The following TTC6 variants were observed in gnomAD, a reference collection of about 807,000 sequenced individuals.
The protein encoded by TTC6 is tetratricopeptide repeat domain 6, also known as tetratricopeptide repeat protein 6.
In TTC6, 172 loss-of-function variants were observed where a neutral mutation model predicts 210.4. The ratio of observed to expected loss-of-function variants is 0.82; its 90% CI spans 0.72 to 0.93. The LOEUF is 0.93. Ranked by LOEUF, TTC6 falls within the 40% of genes least tolerant of loss-of-function variation. The pLI, the probability that TTC6 is intolerant of heterozygous loss-of-function variation, is 0.00. For missense variants in TTC6, 2,414 were observed against 2,318.1 expected, an observed-to-expected ratio of 1.04 and a Z score of -0.85; for synonymous variants, 804 against 819.6, an observed-to-expected ratio of 0.98 and a Z score of 0.32.
chr14:37,775,112 C>A (rs2096033076), intron 14 of TTC6, among the ~76,000 whole-genome samples: 1 of 152,034 alleles, frequency 6.6e-6, no homozygotes, highest in South Asian at 2.1e-4. Flanking sequence ...CTGTTTGGAT[C>A]TTCTTATTTT....
intron 25 of TTC6, among the ~76,000 whole-genome samples, chr14:37,816,571 G>T (rs2096142378): frequency 6.6e-6 from 1 of 152,082 alleles, no homozygotes; most frequent in African/African-American, 2.4e-5. Context: ...TTTCCAGGAA[G>T]ATTCCTGCTG....
chr14:37,622,785 G>A (rs2095653819), exon 1 of TTC6: 29 of 1,534,714 alleles, frequency 1.9e-5, no homozygotes, highest in Non-Finnish European at 2.4e-5. Flanking sequence ...CGAGGCGCGG[G>A]AAGCGGCGGG....
At chr14:37,694,692 G>A (rs1435021128) in intron 3 of TTC6, among the ~76,000 whole-genome samples, 1 of 152,090 alleles carries the variant, frequency 6.6e-6, no homozygotes, top group Non-Finnish European at 1.5e-5. Context: ...TCCGTCAACA[G>A]AAGAATGGAT....
At chr14:37,777,342 G>A (rs1167304141) in intron 14 of TTC6, among the ~76,000 whole-genome samples, 3 of 119,486 alleles carry the variant, frequency 2.5e-5, no homozygotes, top group Non-Finnish European at 3.7e-5. Context: ...TTATTTCAGG[G>A]AACTGGTCTT....
chr14:37,712,671 G>C (rs544523503), intron 5 of TTC6, among the ~76,000 whole-genome samples: 1 of 152,182 alleles, frequency 6.6e-6, no homozygotes, highest in African/African-American at 2.4e-5. Context: ...TGGACAAAAG[G>C]GGGAAAAGCC....
chr14:37,649,562 C>T (rs2095707535), intron 1 of TTC6, among the ~76,000 whole-genome samples: 1 of 152,192 alleles, frequency 6.6e-6, no homozygotes, highest in African/African-American at 2.4e-5. Flanking sequence ...TCTTTGTATT[C>T]CACCTGGTTC....
intron 5 of TTC6, among the ~76,000 whole-genome samples, chr14:37,711,551 C>G (rs1595137433): frequency 1.3e-5 from 2 of 152,166 alleles, no homozygotes; most frequent in East Asian, 3.9e-4. Context: ...CTGGAGTAAT[C>G]CCAGCACATA....
chr14:37,727,507 A>G (rs1008345178), intron 7 of TTC6, among the ~76,000 whole-genome samples: 1 of 141,394 alleles, frequency 7.1e-6, no homozygotes, highest in Non-Finnish European at 1.5e-5. Context: ...TTTAGCTAGG[A>G]TGGTCTTGAT....
At chr14:37,656,845 C>G (rs1037072066) in intron 1 of TTC6, among the ~76,000 whole-genome samples, 1 of 152,058 alleles carries the variant, frequency 6.6e-6, no homozygotes, top group Non-Finnish European at 1.5e-5. Flanking sequence ...CTGCAAGGAA[C>G]TAGGGGTGGT....
intron 2 of TTC6, among the ~76,000 whole-genome samples, chr14:37,609,918 A>T (rs1341853818): frequency 1.3e-5 from 2 of 152,184 alleles, no homozygotes; most frequent in African/African-American, 2.4e-5. Flanking sequence ...GGGCAGTGAG[A>T]TGTGATGTAA....
intron 6 of TTC6, among the ~76,000 whole-genome samples, chr14:37,718,886 C>T (rs1021744186): frequency 2.0e-5 from 3 of 151,934 alleles, no homozygotes; most frequent in Non-Finnish European, 2.9e-5. Flanking sequence ...TGCAGTGAGC[C>T]GTGATCATGC....
intron 3 of TTC6, among the ~76,000 whole-genome samples, chr14:37,687,844 C>T (rs1048580619): frequency 2.0e-5 from 3 of 152,094 alleles, no homozygotes; most frequent in Non-Finnish European, 4.4e-5. Flanking sequence ...ACTTGCTGGT[C>T]TCAGGCGAGA....
At chr14:37,738,838 T>C (rs2138943571) in exon 10 of TTC6, 2 of 1,532,118 alleles carry the variant, frequency 1.3e-6, no homozygotes, top group Admixed American at 2.0e-5. Context: ...AAATCAAGAA[T>C]GATATGCAAA....
intron 1 of TTC6, among the ~76,000 whole-genome samples, chr14:37,652,027 G>C (rs540855027): frequency 6.6e-6 from 1 of 152,174 alleles, no homozygotes; most frequent in African/African-American, 2.4e-5. Context: ...TGCTAACATG[G>C]ACTGGTGGGC....
intron 2 of TTC6, among the ~76,000 whole-genome samples, chr14:37,612,644 T>C (rs1009746102): frequency 7.2e-5 from 11 of 152,252 alleles, no homozygotes; most frequent in African/African-American, 2.4e-4. Context: ...TCTCCATTTA[T>C]GTAGATCTTT....
chr14:37,772,678 G>A (rs1205337960), intron 14 of TTC6: 4 of 156,876 alleles, frequency 2.5e-5, no homozygotes, highest in Non-Finnish European at 4.2e-5. Context: ...CACGGTGCGC[G>A]CACCCACTGA....
intron 24 of TTC6, among the ~76,000 whole-genome samples, chr14:37,809,830 G>A (rs1174636470): frequency 1.3e-5 from 2 of 152,102 alleles, no homozygotes; most frequent in Non-Finnish European, 2.9e-5. Context: ...TTTCAATGAG[G>A]ATTCCTCACT....
intron 5 of TTC6, among the ~76,000 whole-genome samples, chr14:37,705,511 G>T (rs1344733526): frequency 6.6e-6 from 1 of 152,072 alleles, no homozygotes; most frequent in African/African-American, 2.4e-5. Flanking sequence ...AACAAAACTA[G>T]AATAATACTA....
chr14:37,771,686 A>G (rs2096019459), intron 14 of TTC6, among the ~76,000 whole-genome samples: 1 of 152,058 alleles, frequency 6.6e-6, no homozygotes, highest in Admixed American at 6.6e-5. Context: ...TGTATTGGTT[A>G]TTCTAGTTAT....
Sources: gnomAD v4.1 joint callset for allele counts (sites outside exome capture counted in the v4.1 genomes callset) on GRCh38, gnomAD v4.1.1 for gene constraint, MANE v1.5 for transcripts, NCBI Gene and HGNC (gene_info 2026-07-23, HGNC 2026-07-21) for gene names.